CACNA2D3: variants seen among roughly 807,000 people sequenced by gnomAD.
CACNA2D3 encodes voltage-dependent calcium channel subunit alpha-2/delta-3.
A neutral mutation model predicts 160.6 loss-of-function variants in CACNA2D3; 60 were observed. That is an observed-to-expected ratio of 0.37 (90% CI 0.30 to 0.46). The LOEUF (loss-of-function observed/expected upper bound fraction) is 0.46, where lower values mean the gene tolerates loss of function less well. Among genes scored for constraint, CACNA2D3 ranks in the 20% least tolerant of loss-of-function variants. CACNA2D3 has a pLI of 1.00. For missense variants in CACNA2D3, 1,205 were observed against 1,365.0 expected (o/e 0.88, Z 1.85); for synonymous variants, 558 against 492.9 (o/e 1.13, Z -1.75).
chr3:54,227,330 T>G (rs1172639511), intron 2 of CACNA2D3, among the ~76,000 whole-genome samples: 1 of 152,150 alleles, frequency 6.6e-6, no homozygotes, highest in Non-Finnish European at 1.5e-5. Flanking sequence ...GATAAGCTAT[T>G]AGGCCACATT....
intron 11 of CACNA2D3, among the ~76,000 whole-genome samples, chr3:54,704,098 A>C (rs1700815141): frequency 6.6e-6 from 1 of 152,194 alleles, no homozygotes; most frequent in African/African-American, 2.4e-5. Flanking sequence ...GAAGGGGGAG[A>C]CTTGGTACAA....
chr3:54,392,106 A>T (rs1248447317), intron 4 of CACNA2D3, among the ~76,000 whole-genome samples: 1 of 152,224 alleles, frequency 6.6e-6, no homozygotes, highest in African/African-American at 2.4e-5. Context: ...ATTACATGTA[A>T]TTATTTTAGT....
chr3:54,191,594 A>G (rs565922401), intron 2 of CACNA2D3, among the ~76,000 whole-genome samples: 1 of 152,210 alleles, frequency 6.6e-6, no homozygotes, highest in East Asian at 1.9e-4. Context: ...AATCGGTGAT[A>G]CAGTCTCTTC....
intron 3 of CACNA2D3, among the ~76,000 whole-genome samples, chr3:54,327,099 G>A (rs1246653095): frequency 6.6e-6 from 1 of 152,178 alleles, no homozygotes; most frequent in African/African-American, 2.4e-5. Flanking sequence ...GTTAATGGCT[G>A]AGAACAAAAC....
intron 11 of CACNA2D3, among the ~76,000 whole-genome samples, chr3:54,661,259 T>C (rs1699964752): frequency 6.6e-6 from 1 of 152,164 alleles, no homozygotes; most frequent in South Asian, 2.1e-4. Flanking sequence ...TTTCAACCCT[T>C]ACTTCTATGA....
intron 11 of CACNA2D3, among the ~76,000 whole-genome samples, chr3:54,681,999 T>C (rs756946702): frequency 1.3e-5 from 2 of 152,160 alleles, no homozygotes; most frequent in Non-Finnish European, 2.9e-5. Context: ...TGCAAGCTTT[T>C]AATTGGTGAA....
intron 35 of CACNA2D3, among the ~76,000 whole-genome samples, chr3:55,036,145 C>T (rs1363058628): frequency 6.6e-6 from 1 of 152,126 alleles, no homozygotes; most frequent in East Asian, 1.9e-4. Flanking sequence ...GTCTATTAAC[C>T]ATAAAATGAA....
At chr3:54,314,246 TTA>T (rs1230675617) in intron 2 of CACNA2D3, among the ~76,000 whole-genome samples, 1 of 152,248 alleles carries the variant, frequency 6.6e-6, no homozygotes, top group African/African-American at 2.4e-5. Flanking sequence ...TATTCCCTAT[TTA>T]TGGCTGAATA....
intron 13 of CACNA2D3, among the ~76,000 whole-genome samples, chr3:54,766,315 G>A (rs1266632637): frequency 1.3e-5 from 2 of 152,086 alleles, no homozygotes; most frequent in Non-Finnish European, 2.9e-5. Flanking sequence ...GGAACAAAAT[G>A]AGCAAAAAAG....
chr3:54,528,292 T>C (rs1701755861), intron 5 of CACNA2D3, among the ~76,000 whole-genome samples: 1 of 150,940 alleles, frequency 6.6e-6, no homozygotes. Context: ...GGCATGAGAA[T>C]AGTTTCTACC....
At chr3:55,004,985 A>C (rs1703060610) in intron 32 of CACNA2D3, 147 bp downstream of exon 32, 4 of 614,780 alleles carry the variant, frequency 6.5e-6, no homozygotes, top group South Asian at 4.3e-5. Flanking sequence ...AAAAAAAAAA[A>C]ACACTTCAGG....
At chr3:54,912,757 G>A (rs1700586191) in intron 27 of CACNA2D3, among the ~76,000 whole-genome samples, 1 of 152,028 alleles carries the variant, frequency 6.6e-6, no homozygotes, top group African/African-American at 2.4e-5. Flanking sequence ...TCTGCTAGAT[G>A]TTAAGTTTCA....
At chr3:54,443,127 G>A (rs1026533735) in intron 4 of CACNA2D3, among the ~76,000 whole-genome samples, 6 of 152,304 alleles carry the variant, frequency 3.9e-5, no homozygotes, top group South Asian at 4.1e-4. Context: ...GTAGCAAAGG[G>A]AAACTCTTGC....
At chr3:54,483,508 G>A (rs1033520248) in intron 4 of CACNA2D3, among the ~76,000 whole-genome samples, 8 of 152,282 alleles carry the variant, frequency 5.3e-5, no homozygotes, top group South Asian at 2.1e-4. Flanking sequence ...GAGTTTATCC[G>A]TTTTCTCCAG....
Position 54,759,061 on chromosome 3 carries a change from G to A in CACNA2D3, c.1247-5157G>A, listed in dbSNP as rs559324634. On this transcript the variant is annotated intron_variant, in intron 12 of 37. Transcript: ENST00000474759. ...AAGGGTAATATCTCAGAAACACAAA[G>A]CACTGCGTTGCATATGGTTTATCAC... 2.2e-3 allele frequency among the ~76,000 whole-genome samples: 335 copies of A among 152,258 alleles called. 3 individuals carry two copies. The highest frequency in any genetic ancestry group is 4.9e-4 in the Non-Finnish European group (33 of 68,022).
intron 11 of CACNA2D3, among the ~76,000 whole-genome samples, chr3:54,651,170 G>A (rs774463356): frequency 3.0e-4 from 45 of 152,258 alleles, no homozygotes; most frequent in Admixed American, 5.2e-4. Context: ...TTGTCATCGG[G>A]ACAGTAAGTC....
chr3:54,352,106 C>CTTA (rs1426763295), intron 3 of CACNA2D3, among the ~76,000 whole-genome samples: 1 of 152,174 alleles, frequency 6.6e-6, no homozygotes, highest in Non-Finnish European at 1.5e-5. Context: ...CATTCTTATT[C>CTTA]TTATAATCCA....
At chr3:54,583,307 T>C (rs1702708593) in intron 9 of CACNA2D3, among the ~76,000 whole-genome samples, 1 of 152,126 alleles carries the variant, frequency 6.6e-6, no homozygotes, top group African/African-American at 2.4e-5. Flanking sequence ...GTTTTATGAA[T>C]GAAAAAAAGT....
intron 3 of CACNA2D3, among the ~76,000 whole-genome samples, chr3:54,323,520 G>T (rs891220244): frequency 1.3e-5 from 2 of 148,578 alleles, no homozygotes; most frequent in Admixed American, 6.7e-5. Context: ...AGGCTGGAGT[G>T]CAGTGATGCG....
Sources: allele counts gnomAD v4.1 joint callset (sites outside exome capture counted in the v4.1 genomes callset), GRCh38; gene constraint gnomAD v4.1.1; transcripts MANE v1.5; gene names NCBI Gene and HGNC (gene_info 2026-07-23, HGNC 2026-07-21).